PIEZO2: variants seen among roughly 807,000 people sequenced by gnomAD.
The protein encoded by PIEZO2 is piezo type mechanosensitive ion channel component 2, also known as piezo-type mechanosensitive ion channel component 2.
Under a neutral mutation model 337.3 loss-of-function variants are expected in PIEZO2, and 172 were observed. The observed-to-expected ratio is 0.51, with a 90% CI of 0.45 to 0.58. PIEZO2 has a LOEUF of 0.58. PIEZO2 is among the 20% of genes least tolerant of loss of function. PIEZO2 has a pLI of 0.00. For synonymous variants in PIEZO2, 1,251 were observed against 1,228.5 expected (o/e 1.02, Z -0.38); for missense variants, 3,028 against 3,391.3 (o/e 0.89, Z 2.66).
In PIEZO2 at chr18:10,773,367, G is replaced by A. The variant is rs1327711513; in HGVS notation, c.2785+45C>T. The A allele has an allele frequency of 1.3e-6, 2 of 1,505,748 alleles. No homozygotes were observed. Among genetic ancestry groups the A allele is most frequent in the African/African-American group, 1.4e-5 (1 of 72,368 alleles). The allele number at this position is 1,505,748 out of a possible 1,614,324, so 93.3% of individuals were successfully genotyped here. On this transcript the variant is annotated intron_variant, in intron 20 of 55. Coordinates refer to ENST00000674853, the MANE Select transcript of PIEZO2 (RefSeq NM_001378183.1). This position sits in a 1 kb window ranked among gnomAD's most constrained non-coding sequence, Gnocchi z 5.3. ...AGTCAATGTTTCCTTCACTCAGTCTGACAGCCAGCGTTCTCTGACCAGCTG... is the reference window on the plus strand; with the variant it reads ...AGTCAATGTTTCCTTCACTCAGTCTAACAGCCAGCGTTCTCTGACCAGCTG...
At chr18:10,695,378 T>G (rs1485091314) in intron 47 of PIEZO2, among the ~76,000 whole-genome samples, 1 of 152,178 alleles carries the variant, frequency 6.6e-6, no homozygotes, top group Non-Finnish European at 1.5e-5. Context: ...CACCCTTTCC[T>G]TAGGGTTCTA....
chr18:11,055,013 T>C (rs918699268), intron 2 of PIEZO2, among the ~76,000 whole-genome samples: 38 of 151,920 alleles, frequency 2.5e-4, no homozygotes, highest in Middle Eastern at 3.2e-3. Flanking sequence ...AGATCAAGAC[T>C]ATCCTGGCTA....
rs142386135 is a variant in PIEZO2, at chr18:10,819,008, A to G, written c.918-11734T>C. 3.5e-3 allele frequency among the ~76,000 whole-genome samples: 534 copies of G among 152,326 alleles called. 1 individual carries two copies. Among genetic ancestry groups the G allele is most frequent in the African/African-American group, 0.012 (513 of 41,576 alleles). On this transcript the variant is annotated intron_variant, in intron 7 of 55. Transcript: ENST00000674853. The surrounding 1 kb of genome is among the most constrained non-coding windows in gnomAD (Gnocchi z 4.3). ...TTTTTTATCTATATTGTTAGTGGCT[A>G]ATAATTTTTTGTTACACTTTAAACA...
intron 26 of PIEZO2, among the ~76,000 whole-genome samples, chr18:10,758,523 G>A (rs777292982): frequency 1.2e-4 from 18 of 152,070 alleles, no homozygotes; most frequent in Non-Finnish European, 2.2e-4. Flanking sequence ...TTGGCTCACT[G>A]CAAGCCCCAC....
Position 10,675,190 on chromosome 18 carries a change from A to G in PIEZO2, c.8161+19T>C. 2 of 1,495,758 alleles carry G rather than the reference A, an allele frequency of 1.3e-6. No homozygotes were observed. Among genetic ancestry groups the G allele is most frequent in the South Asian group, 2.4e-5 (2 of 81,678 alleles). 92.7% of individuals were successfully genotyped at this position (1,495,758 alleles called of 1,614,324 possible). On this transcript the variant is annotated intron_variant, in intron 54 of 55. Coordinates refer to ENST00000674853, the MANE Select transcript of PIEZO2 (RefSeq NM_001378183.1). ...CTAGGATTGAAAACAATTCTGAAAC[A>G]AATTTTTCTCATTCTTACCAGATAA...
rs554166139 is a variant in PIEZO2, at chr18:10,985,078, G to A, written c.161-5418C>T. On this transcript the variant is annotated intron_variant, in intron 2 of 55. Transcript: ENST00000674853. The stretch of plus-strand genomic sequence containing the variant: ...CCACTAGAACTGCCCTATAAGAAAC[G>A]CAAAAGGGATTTCTTCAAAATGAAA... 1.6e-3 allele frequency among the ~76,000 whole-genome samples: 237 copies of A among 152,080 alleles called. 2 individuals carry two copies. The highest frequency in any genetic ancestry group is 5.5e-3 in the African/African-American group (228 of 41,508).
intron 27 of PIEZO2, among the ~76,000 whole-genome samples, chr18:10,755,759 AG>A (rs1052655017): frequency 1.3e-5 from 2 of 152,200 alleles, no homozygotes; most frequent in African/African-American, 4.8e-5. Context: ...GCACAGGCAC[AG>A]GGTGGAATCT....
rs867195314 is a variant in PIEZO2, at chr18:10,940,733, G to A, written c.287-29505C>T. Among the ~76,000 whole-genome samples the A allele has an allele frequency of 1.1e-4, 16 of 152,174 alleles. No individual in the cohort carries two copies. The highest frequency in any genetic ancestry group is 3.9e-4 in the Admixed American group (6 of 15,294). ...AAAAATTAGCTGGGCATGGTGGCTCGCGCCTGTAGTCCCAGCTACTGGGGA... is the reference window on the plus strand; with the variant it reads ...AAAAATTAGCTGGGCATGGTGGCTCACGCCTGTAGTCCCAGCTACTGGGGA... On this transcript the variant is annotated intron_variant, in intron 3 of 55. Transcript: ENST00000674853. The surrounding 1 kb of genome is among the most constrained non-coding windows in gnomAD (Gnocchi z 5.3).
At chr18:10,959,636 C>T (rs568022280) in intron 3 of PIEZO2, among the ~76,000 whole-genome samples, 230 of 152,240 alleles carry the variant, frequency 1.5e-3, no homozygotes, top group African/African-American at 5.0e-3. Context: ...GATTCATATG[C>T]TCCATTACCT....
rs1750865982 is a variant in PIEZO2, at chr18:11,116,881, G to C, written c.64+31644C>G. On this transcript the variant is annotated intron_variant, in intron 1 of 55. Coordinates refer to ENST00000674853, the MANE Select transcript of PIEZO2 (RefSeq NM_001378183.1). The surrounding 1 kb of genome is among the most constrained non-coding windows in gnomAD (Gnocchi z 5.0). ...CCCAGCACTCTGTGAGGCCAAGGCA[G>C]GAGGATCACTTGAGGTCAGGGGTTC... Among the ~76,000 whole-genome samples, 1 of 152,196 alleles carries C rather than the reference G, an allele frequency of 6.6e-6. No individual in the cohort carries two copies. The highest frequency in any genetic ancestry group is 1.5e-5 in the Non-Finnish European group (1 of 68,044).
At chr18:10,901,830 C>T (rs1167741978) in intron 4 of PIEZO2, among the ~76,000 whole-genome samples, 2 of 151,898 alleles carry the variant, frequency 1.3e-5, no homozygotes, top group South Asian at 2.1e-4. Context: ...AAGTCAGATC[C>T]GGATTTTAAC....
chr18:11,072,540 T>A (rs953945715), intron 1 of PIEZO2, among the ~76,000 whole-genome samples: 1 of 152,210 alleles, frequency 6.6e-6, no homozygotes. Flanking sequence ...ATGTAACTAT[T>A]CATTTATGTT....
At chr18:10,941,707 G>A (rs1480007511) in intron 3 of PIEZO2, among the ~76,000 whole-genome samples, 1 of 152,208 alleles carries the variant, frequency 6.6e-6, no homozygotes, top group Admixed American at 6.5e-5. Context: ...TAACAACTGA[G>A]AGTTATTGGG....
At chr18:10,740,814 A>T (rs2037187308) in intron 33 of PIEZO2, 1 of 686,306 alleles carries the variant, frequency 1.5e-6, no homozygotes, top group Non-Finnish European at 2.7e-6. Flanking sequence ...TACAGCCAGC[A>T]CAAGAATGTC....
At chr18:10,844,717 A>G (rs934782127) in intron 7 of PIEZO2, among the ~76,000 whole-genome samples, 1 of 151,084 alleles carries the variant, frequency 6.6e-6, no homozygotes, top group Non-Finnish European at 1.5e-5. Flanking sequence ...TGAACCTGGG[A>G]GACAGAGGTT....
At chr18:10,717,053 G>A (rs1167192857) in intron 37 of PIEZO2, among the ~76,000 whole-genome samples, 3 of 152,136 alleles carry the variant, frequency 2.0e-5, no homozygotes, top group Admixed American at 2.0e-4. Flanking sequence ...CACACACTCT[G>A]GATTCAGACT....
chr18:10,675,333 T>A (rs1318484720), intron 53 of PIEZO2, 45 bp from the exon 54 acceptor site: 5 of 1,249,376 alleles, frequency 4.0e-6, no homozygotes, highest in Non-Finnish European at 5.5e-6. Flanking sequence ...TTAGTTGTTT[T>A]ACCCACCTAA....
At chr18:11,147,585 TACTACTTGGTGAAA>T (rs1409792454) in intron 1 of PIEZO2, among the ~76,000 whole-genome samples, 26 of 152,372 alleles carry the variant, frequency 1.7e-4, no homozygotes, top group African/African-American at 6.3e-4. Flanking sequence ...TAAATACAGT[TACTACTTGGTGAAA>T]AGCGCTCTAC....
At position 10,958,476 on chromosome 18, in the gene PIEZO2, A is replaced by G. The variant is rs147435857; in HGVS notation, c.286+21059T>C. ...AAGTGTTTGCAATCTATTGCACTGCATGGTGACCATAAGTAATAATAATGT... is the reference window on the plus strand; with the variant it reads ...AAGTGTTTGCAATCTATTGCACTGCGTGGTGACCATAAGTAATAATAATGT... On this transcript the variant is annotated intron_variant, in intron 3 of 55. Transcript: ENST00000674853. Among the ~76,000 whole-genome samples, 6 of 152,346 alleles carry G rather than the reference A, an allele frequency of 3.9e-5. No homozygotes were observed. The East Asian group carries it at 1.2e-3, about 29-fold the overall frequency.
Sources: gnomAD v4.1 joint callset for allele counts (sites outside exome capture counted in the v4.1 genomes callset) on GRCh38, gnomAD v4.1.1 for gene constraint, Gnocchi (gnomAD v3.1) non-coding constraint, MANE v1.5 for transcripts, NCBI Gene and HGNC (gene_info 2026-07-23, HGNC 2026-07-21) for gene names.